Variants in EPN2 observed in about 807,000 individuals in gnomAD.
EPN2 encodes epsin 2.
In EPN2, 34 loss-of-function variants were observed where a neutral mutation model predicts 61.7. The ratio of observed to expected loss-of-function variants is 0.55; its 90% confidence interval spans 0.42 to 0.73. The LOEUF is 0.73. EPN2 is among the 30% of genes least tolerant of loss of function. The pLI, the probability that EPN2 is intolerant of heterozygous loss-of-function variation, is 0.00. For synonymous variants in EPN2, 349 were observed against 353.6 expected (o/e 0.99, Z 0.15); for missense variants, 714 against 839.2 (o/e 0.85, Z 1.84).
intron 5 of EPN2, among the ~76,000 whole-genome samples, chr17:19,311,566 AATAAAG>A (rs368464831): frequency 9.6e-4 from 146 of 152,298 alleles, no homozygotes; most frequent in African/African-American, 3.3e-3. Flanking sequence ...CTTTGCCTTA[AATAAAG>A]ATAGTGAATC....
intron 7 of EPN2, among the ~76,000 whole-genome samples, chr17:19,326,396 G>A (rs72836794): frequency 0.048 from 7,279 of 152,212 alleles, 223 homozygotes; most frequent in East Asian, 0.11. Context: ...TAATTAAGAA[G>A]GTGCAAGTGG....
intron 4 of EPN2, among the ~76,000 whole-genome samples, chr17:19,298,166 G>A (rs1480785200): frequency 1.3e-5 from 2 of 151,776 alleles, no homozygotes; most frequent in South Asian, 4.2e-4. Context: ...GAGCCACCAC[G>A]CCCAGCCTCA....
At chr17:19,306,713 G>A (rs79626005) in intron 4 of EPN2, among the ~76,000 whole-genome samples, 7,939 of 152,268 alleles carry the variant, frequency 0.052, 296 homozygotes, top group Middle Eastern at 0.085. Flanking sequence ...CAACCTGGCT[G>A]TATCAGGCAC....
chr17:19,240,935 C>CGCACTGTTGCTGAAATCA (rs1445088666), intron 1 of EPN2, among the ~76,000 whole-genome samples: 3 of 152,150 alleles, frequency 2.0e-5, no homozygotes, highest in African/African-American at 7.2e-5. Flanking sequence ...ACTGTTCTGT[C>CGCACTGTTGCTGAAATCA]GCACTGTTGC....
intron 7 of EPN2, among the ~76,000 whole-genome samples, chr17:19,317,515 C>T (rs759732591): frequency 1.6e-4 from 24 of 152,164 alleles, no homozygotes; most frequent in Non-Finnish European, 2.5e-4. Flanking sequence ...CACCCCCCCG[C>T]GTTGTGACTG....
chr17:19,276,206 T>C (rs1167592973), intron 1 of EPN2, among the ~76,000 whole-genome samples: 1 of 152,122 alleles, frequency 6.6e-6, no homozygotes, highest in Non-Finnish European at 1.5e-5. Context: ...AGCCGTTTTT[T>C]TGAGACAAAG....
intron 7 of EPN2, among the ~76,000 whole-genome samples, chr17:19,315,392 G>A (rs1010549015): frequency 3.3e-5 from 5 of 152,100 alleles, no homozygotes; most frequent in African/African-American, 1.2e-4. Context: ...GGGGCAACTT[G>A]GTGGGCTTGA....
At chr17:19,310,529 T>G (rs1468879183) in intron 5 of EPN2, among the ~76,000 whole-genome samples, 1 of 151,592 alleles carries the variant, frequency 6.6e-6, no homozygotes. Flanking sequence ...CCATTTTTCT[T>G]TTCTTTTCTC....
At chr17:19,273,580 A>C (rs1597986151) in intron 1 of EPN2, among the ~76,000 whole-genome samples, 1 of 152,016 alleles carries the variant, frequency 6.6e-6, no homozygotes, top group East Asian at 1.9e-4. Context: ...TCCAGGCTAG[A>C]TTTGAACTCC....
In EPN2 at chr17:19,335,352, G is replaced by C; in HGVS notation, c.*1098G>C. The C allele has an allele frequency of 6.6e-7, 1 of 1,525,220 alleles. No homozygotes were observed. The highest frequency in any genetic ancestry group is 1.7e-4 in the Middle Eastern group (1 of 5,900). The allele number at this position is 1,525,220 out of a possible 1,614,324, so 94.5% of individuals were successfully genotyped here. On this transcript the variant is annotated 3_prime_UTR_variant, in exon 11 of 11. Transcript: ENST00000314728. ...TGAAAGTTAAAGAAAAAAATCTAAT[G>C]TATGAATGTGACTCACCAATTTTTA...
chr17:19,272,187 C>G (rs1425405101), intron 1 of EPN2, among the ~76,000 whole-genome samples: 1 of 152,198 alleles, frequency 6.6e-6, no homozygotes, highest in African/African-American at 2.4e-5. Flanking sequence ...TCATCGTCTC[C>G]CATCAGCCAG....
Position 19,283,832 on chromosome 17 carries a change from G to A in EPN2, c.595+118G>A, listed in dbSNP as rs2045380601. 2.7e-6 allele frequency: 2 copies of A among 750,156 alleles called. No individual in the cohort carries two copies. The highest frequency in any genetic ancestry group is 3.0e-5 in the Admixed American group (1 of 33,876). The allele number at this position is 750,156 out of a possible 1,614,324, so 46.5% of individuals were successfully genotyped here. ...ACTGCAGAGCTCGAACCTGTCCTCA[G>A]TACCCAGCTTTTGGTGGCCCAGGCA... On this transcript the variant is annotated intron_variant, in intron 3 of 10. Coordinates refer to ENST00000314728, the MANE Select transcript of EPN2 (RefSeq NM_014964.5). This position sits in a 1 kb window ranked among gnomAD's most constrained non-coding sequence, Gnocchi z 7.0.
At chr17:19,311,314 G>A (rs148208618) in intron 5 of EPN2, among the ~76,000 whole-genome samples, 4 of 152,144 alleles carry the variant, frequency 2.6e-5, no homozygotes, top group Admixed American at 2.0e-4. Context: ...AGGGACAGAC[G>A]GACGGTTTGA....
At chr17:19,308,321 G>C in intron 4 of EPN2, 1 of 949,512 alleles carries the variant, frequency 1.1e-6, no homozygotes, top group Non-Finnish European at 1.3e-6. Context: ...TGATCCGCCC[G>C]TCTCAGCCTC....
intron 1 of EPN2, among the ~76,000 whole-genome samples, chr17:19,258,525 G>A (rs972682754): frequency 6.6e-6 from 1 of 152,152 alleles, no homozygotes; most frequent in Non-Finnish European, 1.5e-5. Flanking sequence ...TTGGCAGTGG[G>A]TGTCAGCATA....
intron 8 of EPN2, 48 bp from the exon 9 acceptor site, chr17:19,329,513 T>C: frequency 8.1e-7 from 1 of 1,235,326 alleles, no homozygotes; most frequent in Non-Finnish European, 1.2e-6. Flanking sequence ...GGAGTTGCCA[T>C]GAAGTCCTGT....
intron 4 of EPN2, among the ~76,000 whole-genome samples, chr17:19,302,284 G>A (rs1009611759): frequency 6.6e-6 from 1 of 152,192 alleles, no homozygotes; most frequent in Non-Finnish European, 1.5e-5. Context: ...CCTGGGAGAC[G>A]GTTTCCCGTC....
At chr17:19,244,194 C>T (rs928892168) in intron 1 of EPN2, among the ~76,000 whole-genome samples, 2 of 152,150 alleles carry the variant, frequency 1.3e-5, no homozygotes, top group Non-Finnish European at 2.9e-5. Context: ...GGTGCAGTGG[C>T]TCATGCTTGT....
chr17:19,283,810 G>A lies in EPN2; in HGVS notation c.595+96G>A. 4.4e-6 allele frequency: 4 copies of A among 907,846 alleles called. No homozygotes were observed. The highest frequency in any genetic ancestry group is 2.9e-5 in the Admixed American group (1 of 34,646). 56.2% of individuals were successfully genotyped at this position (907,846 alleles called of 1,614,324 possible). ...CTGGGCTTAGGGAGTGGTGGCCACT[G>A]CAGAGCTCGAACCTGTCCTCAGTAC... On this transcript the variant is annotated intron_variant, in intron 3 of 10. Transcript: ENST00000314728. This position sits in a 1 kb window ranked among gnomAD's most constrained non-coding sequence, Gnocchi z 7.0.
Sources: allele counts gnomAD v4.1 joint callset (sites outside exome capture counted in the v4.1 genomes callset), GRCh38; gene constraint gnomAD v4.1.1; non-coding constraint Gnocchi (gnomAD v3.1); transcripts MANE v1.5; gene names NCBI Gene and HGNC (gene_info 2026-07-23, HGNC 2026-07-21).